The following FUT8 variants were observed in gnomAD, a reference collection of about 807,000 sequenced individuals.
The protein encoded by FUT8 is fucosyltransferase 8.
FUT8 carries 29 observed loss-of-function variants against 71.3 expected under a neutral mutation model. The ratio of observed to expected loss-of-function variants is 0.41; its 90% confidence interval spans 0.30 to 0.55. FUT8 has a LOEUF of 0.55. FUT8 is among the 20% of genes least tolerant of loss of function. The pLI is 0.34. For missense variants in FUT8, 544 were observed against 702.1 expected (o/e 0.77, Z 2.55); for synonymous variants, 254 against 239.3 (o/e 1.06, Z -0.57).
chr14:65,477,811 A>T (rs924767596), intron 2 of FUT8, among the ~76,000 whole-genome samples: 2 of 151,906 alleles, frequency 1.3e-5, no homozygotes, highest in African/African-American at 4.8e-5. Context: ...GAGGAATCTG[A>T]ACTATAGAAC....
the FUT8 span, among the ~76,000 whole-genome samples, chr14:65,374,033 C>G: frequency 6.6e-6 from 1 of 152,230 alleles, no homozygotes; most frequent in Non-Finnish European, 1.5e-5. Context: ...GCACTCCCAC[C>G]TTCGGAGGAA....
chr14:65,488,353 G>A (rs1214251468), intron 2 of FUT8: 2 of 152,112 alleles, frequency 1.3e-5, no homozygotes, highest in African/African-American at 2.4e-5. Flanking sequence ...GATCATTTTT[G>A]ATAGTTGGTT....
chr14:65,650,857 A>G lies in FUT8; in HGVS notation c.598-18386A>G, dbSNP rs369677321. Among the ~76,000 whole-genome samples the G allele has an allele frequency of 1.1e-3, 173 of 151,538 alleles. 5 individuals carry two copies. In the South Asian group the frequency reaches 0.013, roughly 12 times the overall value. ...AAACCTTAGTGGACAGAGAGGGGGG[A>G]AAAAAAAGCCCCATTTTAATGATAT... On this transcript the variant is annotated intron_variant, in intron 6 of 10. Coordinates refer to ENST00000673929, the MANE Select transcript of FUT8 (RefSeq NM_001371533.1).
At chr14:65,572,243 A>G (rs902324202) in intron 3 of FUT8, among the ~76,000 whole-genome samples, 3 of 152,206 alleles carry the variant, frequency 2.0e-5, no homozygotes, top group Non-Finnish European at 2.9e-5. Flanking sequence ...TTGTCCTAAC[A>G]GTAACATTAG....
At chr14:65,625,702 G>C (rs1407536440) in intron 5 of FUT8, among the ~76,000 whole-genome samples, 1 of 152,200 alleles carries the variant, frequency 6.6e-6, no homozygotes, top group Non-Finnish European at 1.5e-5. Context: ...AAATGGAACT[G>C]TTGTTCCAAA....
chr14:65,609,836 G>GT lies in FUT8; in HGVS notation c.204-6139dup, dbSNP rs1212011551. Among the ~76,000 whole-genome samples, 5 of 151,764 alleles carry GT rather than the reference G, an allele frequency of 3.3e-5. 1 individual carries two copies. Among genetic ancestry groups the GT allele is most frequent in the Non-Finnish European group, 7.4e-5 (5 of 67,888 alleles). Reference sequence around the variant, plus strand: ...CTGATTTGTATTGAGTATTCTAGATGTTTGTGTTTCCATATGAATTTTATT... The same window carrying GT: ...CTGATTTGTATTGAGTATTCTAGATGTTTTGTGTTTCCATATGAATTTTATT... On this transcript the variant is annotated intron_variant, in intron 3 of 10. Coordinates refer to ENST00000673929, the MANE Select transcript of FUT8 (RefSeq NM_001371533.1).
intron 3 of FUT8, among the ~76,000 whole-genome samples, chr14:65,581,417 A>G (rs891540317): frequency 1.8e-4 from 27 of 152,248 alleles, no homozygotes; most frequent in African/African-American, 6.0e-4. Context: ...CATTTATTAT[A>G]TCTTGTGTCC....
At chr14:65,570,468 A>G (rs1205180310) in intron 3 of FUT8, among the ~76,000 whole-genome samples, 1 of 151,838 alleles carries the variant, frequency 6.6e-6, no homozygotes, top group Non-Finnish European at 1.5e-5. Flanking sequence ...GAATGAGAAT[A>G]GGGTTTGCCA....
At chr14:65,364,049 G>A in the FUT8 span, among the ~76,000 whole-genome samples, 1 of 152,070 alleles carries the variant, frequency 6.6e-6, no homozygotes, top group Non-Finnish European at 1.5e-5. Context: ...GAGAACACTG[G>A]TTCTCCTACT....
intron 7 of FUT8, among the ~76,000 whole-genome samples, chr14:65,689,611 T>C (rs1893474398): frequency 6.6e-6 from 1 of 152,194 alleles, no homozygotes; most frequent in African/African-American, 2.4e-5. Flanking sequence ...CAATCTCAGC[T>C]CACTGCAACC....
At position 65,643,352 on chromosome 14, in the gene FUT8, GAA is replaced by G. The variant is rs1471221225; in HGVS notation, c.597+13748_597+13749del. 6.6e-6 allele frequency among the ~76,000 whole-genome samples: 1 copy of G among 152,096 alleles called. No homozygotes were observed. Among genetic ancestry groups the G allele is most frequent in the African/African-American group, 2.4e-5 (1 of 41,416 alleles). ...TTAGGTCATTAACATCTGTGACCTGGAAATAAAATTGACAGATTCTGGCCCAG... is the reference window on the plus strand; with the variant it reads ...TTAGGTCATTAACATCTGTGACCTGGATAAAATTGACAGATTCTGGCCCAG... On this transcript the variant is annotated intron_variant, in intron 6 of 10. Transcript: ENST00000673929. The surrounding 1 kb of genome is among the most constrained non-coding windows in gnomAD (Gnocchi z 4.5).
intron 1 of FUT8, among the ~76,000 whole-genome samples, chr14:65,422,088 C>G (rs2065307012): frequency 6.6e-6 from 1 of 152,084 alleles, no homozygotes; most frequent in East Asian, 1.9e-4. Flanking sequence ...ACTTCAGCAC[C>G]TTTGGTGTTG....
rs61702275 is a variant in FUT8, at chr14:65,624,284, C to CT, written c.483-5193dup. 7.4e-4 allele frequency among the ~76,000 whole-genome samples: 108 copies of CT among 145,760 alleles called. No individual in the cohort carries two copies. The South Asian group carries it at 9.8e-3, about 13-fold the overall frequency. On this transcript the variant is annotated intron_variant, in intron 5 of 10. Transcript: ENST00000673929. ...CATTATCACAAAACATTAGTGTACTCTTTTTTTTTTTTTTTATTTGATGTT... is the reference window on the plus strand; with the variant it reads ...CATTATCACAAAACATTAGTGTACTCTTTTTTTTTTTTTTTTATTTGATGTT...
At chr14:65,624,284 C>CTTTTTTTTTTTTTTTTTTTTTTTTTTT (rs61702275) in intron 5 of FUT8, among the ~76,000 whole-genome samples, 1 of 145,688 alleles carries the variant, frequency 6.9e-6, no homozygotes, top group African/African-American at 2.5e-5. Flanking sequence ...TTAGTGTACT[C>CTTTTTTTTTTTTTTTTTTTTTTTTTTT]TTTTTTTTTT....
At chr14:65,524,250 G>T (rs2139874677) in intron 2 of FUT8, among the ~76,000 whole-genome samples, 1 of 152,210 alleles carries the variant, frequency 6.6e-6, no homozygotes, top group South Asian at 2.1e-4. Flanking sequence ...TTATTTCATT[G>T]AGCAGTGGTT....
chr14:65,464,532 CTCTATT>C (rs2066014393), intron 2 of FUT8, among the ~76,000 whole-genome samples: 1 of 151,924 alleles, frequency 6.6e-6, no homozygotes, highest in Non-Finnish European at 1.5e-5. Flanking sequence ...GGAAATCCTC[CTCTATT>C]TCTAGTTTGC....
intron 2 of FUT8, among the ~76,000 whole-genome samples, chr14:65,559,361 A>G (rs865926555): frequency 6.6e-6 from 1 of 152,166 alleles, no homozygotes; most frequent in Non-Finnish European, 1.5e-5. Flanking sequence ...AAAATTGACT[A>G]TCTACATAGC....
At chr14:65,693,452 C>T (rs556089882) in intron 7 of FUT8, among the ~76,000 whole-genome samples, 1 of 152,080 alleles carries the variant, frequency 6.6e-6, no homozygotes, top group Non-Finnish European at 1.5e-5. Context: ...GCCGAGACGG[C>T]GAGATGGCAG....
intron 6 of FUT8, among the ~76,000 whole-genome samples, chr14:65,637,285 A>G (rs1890610485): frequency 6.6e-6 from 1 of 152,120 alleles, no homozygotes; most frequent in African/African-American, 2.4e-5. Flanking sequence ...TCTTTAGAAA[A>G]TTTATGTTGC....
Sources: gnomAD v4.1 joint callset for allele counts (sites outside exome capture counted in the v4.1 genomes callset) on GRCh38, gnomAD v4.1.1 for gene constraint, Gnocchi (gnomAD v3.1) non-coding constraint, MANE v1.5 for transcripts, NCBI Gene and HGNC (gene_info 2026-07-23, HGNC 2026-07-21) for gene names.